The following PCDH15 variants were observed in gnomAD, a reference collection of about 807,000 sequenced individuals.
The protein encoded by PCDH15 is protocadherin related 15.
In PCDH15, 129 loss-of-function variants were observed where a neutral mutation model predicts 178.5. That is an observed-to-expected ratio of 0.72 (90% CI 0.63 to 0.84). PCDH15 has a LOEUF of 0.84. Among genes scored for constraint, PCDH15 ranks in the 40% least tolerant of loss-of-function variants. PCDH15 has a pLI of 0.00. For missense variants in PCDH15, 2,230 were observed against 2,099.9 expected (o/e 1.06, Z -1.21); for synonymous variants, 800 against 732.0 (o/e 1.09, Z -1.50).
At chr10:54,572,348 C>A (rs189775771) in intron 2 of PCDH15, among the ~76,000 whole-genome samples, 1 of 152,102 alleles carries the variant, frequency 6.6e-6, no homozygotes, top group Admixed American at 6.6e-5. Flanking sequence ...TAACATCAAA[C>A]GCTAGGAGAA....
At chr10:55,228,955 A>G (rs1841134274) in intron 1 of PCDH15, among the ~76,000 whole-genome samples, 1 of 151,948 alleles carries the variant, frequency 6.6e-6, no homozygotes, top group Non-Finnish European at 1.5e-5. Flanking sequence ...ATTACATTAC[A>G]AGGTTCCAAA....
intron 2 of PCDH15, among the ~76,000 whole-genome samples, chr10:55,436,170 T>C (rs974260081): frequency 6.6e-6 from 1 of 152,068 alleles, no homozygotes; most frequent in Admixed American, 6.5e-5. Flanking sequence ...GATATTACTG[T>C]TGTAAAGGGA....
chr10:54,803,645 G>A (rs1287144892), upstream of PCDH15, among the ~76,000 whole-genome samples: 1 of 152,176 alleles, frequency 6.6e-6, no homozygotes, highest in East Asian at 1.9e-4. Flanking sequence ...CTCATACAGA[G>A]TGGTCTGTTA....
intron 2 of PCDH15, among the ~76,000 whole-genome samples, chr10:55,542,449 T>A (rs1205267325): frequency 6.6e-6 from 1 of 151,054 alleles, no homozygotes; most frequent in African/African-American, 2.4e-5. Context: ...ATGTAATATA[T>A]GTATTTAATA....
intron 5 of PCDH15, among the ~76,000 whole-genome samples, chr10:54,355,136 A>AAG (rs1554923482): frequency 2.4e-4 from 37 of 151,194 alleles, no homozygotes; most frequent in African/African-American, 8.5e-4. Context: ...AAAAAAAAAA[A>AAG]AAAAAAAAAA....
intron 21 of PCDH15, among the ~76,000 whole-genome samples, chr10:53,975,721 G>A (rs759991927): frequency 1.3e-5 from 2 of 150,706 alleles, no homozygotes; most frequent in Non-Finnish European, 2.9e-5. Context: ...TCTATAGGTT[G>A]TCTGTTTACT....
chr10:54,322,875 A>G (rs1204157232), intron 7 of PCDH15, among the ~76,000 whole-genome samples: 2 of 138,814 alleles, frequency 1.4e-5, no homozygotes, highest in African/African-American at 3.4e-5. Flanking sequence ...TAGCACCTAA[A>G]CTAAAGAGCT....
At chr10:54,249,947 T>G (rs2056324608) in intron 8 of PCDH15, among the ~76,000 whole-genome samples, 1 of 152,110 alleles carries the variant, frequency 6.6e-6, no homozygotes, top group Non-Finnish European at 1.5e-5. Flanking sequence ...TGAGACAGAG[T>G]CTGGCTCAGT....
chr10:54,932,292 T>C (rs1837799103), intron 2 of PCDH15, among the ~76,000 whole-genome samples: 1 of 152,210 alleles, frequency 6.6e-6, no homozygotes, highest in African/African-American at 2.4e-5. Context: ...GTGATATTGA[T>C]TATTCTGACC....
chr10:53,817,698 C>T (rs2076115982), intron 34 of PCDH15, among the ~76,000 whole-genome samples: 1 of 151,104 alleles, frequency 6.6e-6, no homozygotes, highest in African/African-American at 2.4e-5. Flanking sequence ...ATATGTATAG[C>T]CTTAGACAAA....
chr10:54,189,362 A>G, intron 11 of PCDH15: 1 of 1,573,992 alleles, frequency 6.4e-7, no homozygotes, highest in South Asian at 1.2e-5. Flanking sequence ...CCTAGTACCT[A>G]CAGGAACTCC....
At chr10:55,069,600 C>A (rs1236959570) in intron 2 of PCDH15, among the ~76,000 whole-genome samples, 2 of 144,378 alleles carry the variant, frequency 1.4e-5, no homozygotes, top group Admixed American at 7.0e-5. Context: ...CTACAAAGGA[C>A]ATGAACTCAT....
intron 1 of PCDH15, among the ~76,000 whole-genome samples, chr10:55,187,181 C>A (rs139608208): frequency 6.6e-6 from 1 of 151,814 alleles, no homozygotes; most frequent in Non-Finnish European, 1.5e-5. Context: ...TTCATACTCA[C>A]GTAATATTTC....
intron 2 of PCDH15, among the ~76,000 whole-genome samples, chr10:55,123,513 G>T (rs1295901374): frequency 6.6e-6 from 1 of 152,078 alleles, no homozygotes; most frequent in East Asian, 1.9e-4. Flanking sequence ...GTAATGATAA[G>T]AAGGGACACT....
At chr10:54,349,387 G>A (rs1943828336) in intron 5 of PCDH15, among the ~76,000 whole-genome samples, 1 of 152,090 alleles carries the variant, frequency 6.6e-6, no homozygotes, top group Non-Finnish European at 1.5e-5. Context: ...GAAATTTGTT[G>A]GAATAGATGG....
At chr10:54,262,493 A>G (rs1489058248) in intron 8 of PCDH15, among the ~76,000 whole-genome samples, 1 of 152,076 alleles carries the variant, frequency 6.6e-6, no homozygotes, top group Non-Finnish European at 1.5e-5. Flanking sequence ...GGAGAAGTTC[A>G]CCACCCTGTC....
At chr10:54,426,906 T>TAA (rs879760295) in intron 3 of PCDH15, among the ~76,000 whole-genome samples, 20 of 144,694 alleles carry the variant, frequency 1.4e-4, no homozygotes, top group African/African-American at 4.6e-4. Context: ...CCCATGAGTA[T>TAA]AAAAAAAAAA....
intron 8 of PCDH15, among the ~76,000 whole-genome samples, chr10:54,264,031 C>A (rs1462652014): frequency 2.0e-5 from 3 of 152,070 alleles, no homozygotes. Context: ...TGTACTTACA[C>A]CAGTGGTTTG....
chr10:54,019,331 T>C (rs2092838821), intron 20 of PCDH15, among the ~76,000 whole-genome samples: 1 of 152,136 alleles, frequency 6.6e-6, no homozygotes, highest in Admixed American at 6.6e-5. Context: ...TGAGGATTTT[T>C]GTATATGTAT....
Sources: allele counts gnomAD v4.1 joint callset (sites outside exome capture counted in the v4.1 genomes callset), GRCh38; gene constraint gnomAD v4.1.1; transcripts MANE v1.5; gene names NCBI Gene and HGNC (gene_info 2026-07-23, HGNC 2026-07-21).